The following GABRR3 variants were observed in gnomAD, a reference collection of about 807,000 sequenced individuals.
GABRR3 encodes the protein gamma-aminobutyric acid receptor subunit rho-3.
Under a neutral mutation model 43.2 loss-of-function variants are expected in GABRR3, and 29 were observed. That is an observed-to-expected ratio of 0.67 (90% CI 0.50 to 0.92). The LOEUF (loss-of-function observed/expected upper bound fraction) is 0.92. Ranked by LOEUF, GABRR3 falls within the 40% of genes least tolerant of loss-of-function variation. The pLI, the probability that GABRR3 is intolerant of heterozygous loss-of-function variation, is 0.00. For synonymous variants in GABRR3, 206 were observed against 195.9 expected (o/e 1.05, Z -0.43); for missense variants, 576 against 572.3 (o/e 1.01, Z -0.07).
chr3:98,008,385 T>A (rs1193104074), intron 6 of GABRR3, among the ~76,000 whole-genome samples: 1 of 152,218 alleles, frequency 6.6e-6, no homozygotes, highest in Non-Finnish European at 1.5e-5. Flanking sequence ...GGGCGGAGCA[T>A]CTGTGGAGTA....
chr3:98,000,854 A>G (rs1404550061), intron 8 of GABRR3: 1 of 152,152 alleles, frequency 6.6e-6, no homozygotes, highest in Non-Finnish European at 1.5e-5. Context: ...ATTAAGTAAC[A>G]TGTCATCTAA....
intron 3 of GABRR3, among the ~76,000 whole-genome samples, chr3:98,021,853 T>C (rs888124671): frequency 6.6e-6 from 1 of 152,218 alleles, no homozygotes; most frequent in East Asian, 1.9e-4. Context: ...ATACATCTGA[T>C]TTGTATAATG....
intron 7 of GABRR3, among the ~76,000 whole-genome samples, chr3:98,006,902 TAC>T (rs2107235819): frequency 6.6e-6 from 1 of 152,082 alleles, no homozygotes; most frequent in Admixed American, 6.5e-5. Context: ...TAGTAAAGAG[TAC>T]TATATAGGCC....
chr3:98,032,729 A>G (rs1487704463), intron 2 of GABRR3, among the ~76,000 whole-genome samples: 2 of 152,310 alleles, frequency 1.3e-5, no homozygotes, highest in East Asian at 3.9e-4. Context: ...AATGAAAACA[A>G]CTAAAAGCAA....
chr3:97,990,346 T>C (rs1342745492), intron 9 of GABRR3, among the ~76,000 whole-genome samples: 1 of 151,650 alleles, frequency 6.6e-6, no homozygotes, highest in Admixed American at 6.6e-5. Flanking sequence ...TCAAGACTTC[T>C]TCTTTTTTTT....
Position 98,012,381 on chromosome 3 carries a change from G to A in GABRR3, c.493C>T (p.Arg165Cys), listed in dbSNP as rs201086165. The A allele has an allele frequency of 5.2e-4, 832 of 1,613,890 alleles. 15 individuals carry two copies. The South Asian group carries it at 8.0e-3, about 16-fold the overall frequency. ...AGGACGTTTCCATCAGGGTGTACGC[G>A]CAGCATGATATTCTCCATAGTTGTA... Residue 165 changes from arginine to cysteine, a missense_variant, in exon 5 of 10, where the codon CGC (arginine) becomes TGC (cysteine). By Grantham distance (180) the Arg-to-Cys change is radical (BLOSUM62 -3). Coordinates refer to ENST00000621172, the Ensembl canonical transcript of GABRR3.
intron 3 of GABRR3, among the ~76,000 whole-genome samples, chr3:98,019,034 C>T (rs901410224): frequency 1.3e-5 from 2 of 151,538 alleles, no homozygotes; most frequent in African/African-American, 4.9e-5. Context: ...TGCTTGAATG[C>T]AGGAGGCAGG....
chr3:97,989,167 T>C lies in GABRR3; in HGVS notation c.1105-2185A>G, dbSNP rs1418712419. Among the ~76,000 whole-genome samples the C allele has an allele frequency of 2.0e-5, 3 of 149,772 alleles. 1 individual carries two copies. The highest frequency in any genetic ancestry group is 4.9e-5 in the African/African-American group (2 of 40,444). The stretch of plus-strand genomic sequence containing the variant: ...GATAGTAGGATGTAGTGGTGGTTGA[T>C]GGTGGTGGGTGGTGGTTAGTAATGT... On this transcript the variant is annotated intron_variant, in intron 9 of 9. Transcript: ENST00000621172.
exon 4 of GABRR3, chr3:98,017,721 C>T: frequency 4.4e-6 from 7 of 1,605,666 alleles, no homozygotes; most frequent in Non-Finnish European, 6.0e-6. Context: ...GCACTGGAGA[C>T]CCTTAAGAAA....
chr3:98,000,265 T>A (rs1358145952), intron 8 of GABRR3: 1 of 152,144 alleles, frequency 6.6e-6, no homozygotes, highest in Non-Finnish European at 1.5e-5. Context: ...CACTCCACCC[T>A]TCCATGGAAG....
At chr3:98,011,209 G>A (rs941664696) in intron 5 of GABRR3, among the ~76,000 whole-genome samples, 1 of 152,172 alleles carries the variant, frequency 6.6e-6, no homozygotes, top group African/African-American at 2.4e-5. Flanking sequence ...GTGCCGAAGT[G>A]GTTAAGGTAT....
At chr3:97,990,215 A>G (rs1706445351) in intron 9 of GABRR3, among the ~76,000 whole-genome samples, 1 of 152,190 alleles carries the variant, frequency 6.6e-6, no homozygotes, top group Non-Finnish European at 1.5e-5. Context: ...ATATCACTTG[A>G]TCATCATAAC....
At chr3:97,993,503 T>G (rs188215845) in intron 8 of GABRR3, among the ~76,000 whole-genome samples, 1 of 152,344 alleles carries the variant, frequency 6.6e-6, no homozygotes, top group East Asian at 1.9e-4. Flanking sequence ...AGCTTATTTC[T>G]TCTTGAAAGA....
At chr3:97,999,081 G>T (rs868834107) in intron 8 of GABRR3, 3 of 152,086 alleles carry the variant, frequency 2.0e-5, no homozygotes, top group Non-Finnish European at 4.4e-5. Flanking sequence ...CAACAAACTG[G>T]GAGGCCCCGA....
chr3:97,992,846 C>A lies in GABRR3; in HGVS notation c.1104+6G>T. 1 of 1,599,920 alleles carries A rather than the reference C, an allele frequency of 6.3e-7. No homozygotes were observed. On this transcript the variant is annotated splice_donor_region_variant and intron_variant, in intron 9 of 9. Coordinates refer to ENST00000621172, the Ensembl canonical transcript of GABRR3. ...AAGGGATCTGATAGTCAGAGCAAGG[C>A]TGTACCTTTCCTGTCTTCTTGAATT...
intron 3 of GABRR3, among the ~76,000 whole-genome samples, chr3:98,019,067 G>A (rs1706906292): frequency 1.3e-5 from 2 of 150,908 alleles, no homozygotes; most frequent in South Asian, 4.2e-4. Context: ...CTGAGATGGC[G>A]CCCCTGCACT....
chr3:98,001,131 C>T (rs1200810251), intron 8 of GABRR3: 1 of 153,354 alleles, frequency 6.5e-6, no homozygotes, highest in Non-Finnish European at 1.5e-5. Context: ...AATCAGTATT[C>T]ATATTTTCAA....
At position 97,997,240 on chromosome 3, in the gene GABRR3, AT is replaced by A. The variant is rs1179856258; in HGVS notation, c.908-4193del. 2.8e-4 allele frequency among the ~76,000 whole-genome samples: 42 copies of A among 151,198 alleles called. No individual in the cohort carries two copies. The East Asian group carries it at 8.0e-3, about 29-fold the overall frequency. ...CTTTCGGCCATGTAGAGATGGCAAGATTTTGACAGAGAAACACAGGTGGGGA... is the reference window on the plus strand; with the variant it reads ...CTTTCGGCCATGTAGAGATGGCAAGATTTGACAGAGAAACACAGGTGGGGA... On this transcript the variant is annotated intron_variant, in intron 8 of 9. Transcript: ENST00000621172.
At chr3:97,999,136 C>A (rs1019699464) in intron 8 of GABRR3, 1 of 152,086 alleles carries the variant, frequency 6.6e-6, no homozygotes, top group Non-Finnish European at 1.5e-5. Flanking sequence ...TCCCTGCTAA[C>A]CCATTAAAGT....
Sources: allele counts gnomAD v4.1 joint callset (sites outside exome capture counted in the v4.1 genomes callset), GRCh38; gene constraint gnomAD v4.1.1; transcripts MANE v1.5; gene names NCBI Gene and HGNC (gene_info 2026-07-23, HGNC 2026-07-21).